TDRD5: variants seen among roughly 807,000 people sequenced by gnomAD.
TDRD5 encodes the protein tudor domain containing 5.
TDRD5 carries 41 observed loss-of-function variants against 120.6 expected under a neutral mutation model. That is an observed-to-expected ratio of 0.34 (90% CI 0.26 to 0.44). The LOEUF (loss-of-function observed/expected upper bound fraction) is 0.44. TDRD5 is among the 20% of genes least tolerant of loss of function. The pLI, the probability that TDRD5 is intolerant of heterozygous loss-of-function variation, is 1.00. For missense variants in TDRD5, 1,006 were observed against 1,221.2 expected (o/e 0.82, Z 2.63); for synonymous variants, 430 against 433.7 (o/e 0.99, Z 0.11).
At chr1:179,636,234 C>T (rs1207756055) in intron 9 of TDRD5, among the ~76,000 whole-genome samples, 1 of 152,132 alleles carries the variant, frequency 6.6e-6, no homozygotes, top group East Asian at 1.9e-4. Context: ...GTTGAAGTAT[C>T]TGAAGACATC....
In TDRD5 at chr1:179,652,123, C is replaced by T. The variant is rs754693231; in HGVS notation, c.2086C>T (p.Pro696Ser). The change falls in exon 13 of 18, where the codon CCT (proline) becomes TCT (serine). Residue 696 changes from proline to serine, a missense_variant. By Grantham distance (74) the Pro-to-Ser change is moderately conservative. This residue lies in a region of TDRD5 where 403 missense variants were observed against 448.1 expected (regional missense o/e 0.90). Coordinates refer to ENST00000444136, the MANE Select transcript of TDRD5 (RefSeq NM_001199085.3). Reference protein sequence around the residue: ...EDIVLTELGYPSQQHYFNEDR... With the variant: ...EDIVLTELGYSSQQHYFNEDR... Reference sequence around the variant, plus strand: ...CATTGTCTTGACAGAACTGGGTTATCCTTCCCAGCAGCACTATTTTAATGA... The same window carrying T: ...CATTGTCTTGACAGAACTGGGTTATTCTTCCCAGCAGCACTATTTTAATGA... 5 of 1,613,988 alleles carry T rather than the reference C, an allele frequency of 3.1e-6. No individual in the cohort carries two copies. The South Asian group carries it at 5.5e-5, about 18-fold the overall frequency.
Position 179,662,147 on chromosome 1 carries a change from T to G in TDRD5, c.2366T>G (p.Ile789Arg). The change falls in exon 15 of 18, where the codon ATA (isoleucine) becomes AGA (arginine). Residue 789 changes from isoleucine to arginine, a missense_variant. Physicochemically the swap from Ile to Arg is moderately conservative, Grantham distance 97. This residue lies in a region of TDRD5 where 403 missense variants were observed against 448.1 expected (regional missense o/e 0.90). Transcript: ENST00000444136. ...ATGCCATGCCTGGAGTCAGTGACCA[T>G]AGGTGATGATATTTGGGATGAGAAC... ...TGMPCLESVT[I>R]GDDIWDENWL... 1.2e-6 allele frequency: 2 copies of G among 1,607,612 alleles called. No individual in the cohort carries two copies. The highest frequency in any genetic ancestry group is 2.7e-5 in the African/African-American group (2 of 74,664).
chr1:179,642,533 A>C (rs1187946735), intron 11 of TDRD5, among the ~76,000 whole-genome samples: 1 of 152,210 alleles, frequency 6.6e-6, no homozygotes, highest in Non-Finnish European at 1.5e-5. Flanking sequence ...TTATTTCCTC[A>C]AAAAGGACTT....
At chr1:179,637,084 A>T (rs1677802004) in intron 9 of TDRD5, among the ~76,000 whole-genome samples, 1 of 152,240 alleles carries the variant, frequency 6.6e-6, no homozygotes. Flanking sequence ...AGATTTATTC[A>T]TGAACAACAA....
intron 11 of TDRD5, among the ~76,000 whole-genome samples, chr1:179,643,085 GA>G (rs1678142155): frequency 6.6e-6 from 1 of 152,144 alleles, no homozygotes; most frequent in African/African-American, 2.4e-5. Context: ...GGTGACTACT[GA>G]ACTTTCTTAA....
At chr1:179,616,084 T>G (rs1676551085) in intron 4 of TDRD5, among the ~76,000 whole-genome samples, 1 of 152,106 alleles carries the variant, frequency 6.6e-6, no homozygotes, top group Admixed American at 6.6e-5. Context: ...CATTTAAAAA[T>G]ATAACCATTC....
chr1:179,600,129 G>A (rs910912747), intron 4 of TDRD5, among the ~76,000 whole-genome samples: 1 of 152,030 alleles, frequency 6.6e-6, no homozygotes, highest in Non-Finnish European at 1.5e-5. Flanking sequence ...TATTGTCCCT[G>A]AACACCTTAC....
At chr1:179,611,408 A>G (rs1676268357) in intron 4 of TDRD5, among the ~76,000 whole-genome samples, 1 of 152,142 alleles carries the variant, frequency 6.6e-6, no homozygotes, top group Non-Finnish European at 1.5e-5. Context: ...TCAGAAAGAA[A>G]GAAATTGACT....
chr1:179,631,940 G>T (rs1382116333), intron 7 of TDRD5, among the ~76,000 whole-genome samples: 3 of 133,010 alleles, frequency 2.3e-5, no homozygotes, highest in African/African-American at 8.5e-5. Flanking sequence ...AGATTCTTAC[G>T]CTGTCCCCCA....
chr1:179,673,756 G>A (rs1388642789), intron 17 of TDRD5, among the ~76,000 whole-genome samples: 2 of 138,522 alleles, frequency 1.4e-5, no homozygotes, highest in Admixed American at 7.6e-5. Context: ...ATGGGAGGCA[G>A]GTTTGCCCTA....
At chr1:179,607,890 C>T (rs1317825685) in intron 4 of TDRD5, among the ~76,000 whole-genome samples, 1 of 151,898 alleles carries the variant, frequency 6.6e-6, no homozygotes, top group Non-Finnish European at 1.5e-5. Flanking sequence ...CTGATGCTCT[C>T]CAATTCTTTC....
intron 14 of TDRD5, among the ~76,000 whole-genome samples, chr1:179,660,004 T>A (rs922998922): frequency 2.0e-5 from 3 of 152,110 alleles, no homozygotes; most frequent in African/African-American, 7.2e-5. Flanking sequence ...CCTTGTTTGA[T>A]TATTTTTTAA....
At position 179,681,990 on chromosome 1, in the gene TDRD5, A is replaced by G. The variant is rs571453660; in HGVS notation, c.2861-8706A>G. Among the ~76,000 whole-genome samples, 5 of 11,276 alleles carry G rather than the reference A, an allele frequency of 4.4e-4. No homozygotes were observed. The East Asian group carries it at 0.012, about 26-fold the overall frequency. The allele number at this position is 11,276 out of a possible 152,430, so 7.4% of individuals were successfully genotyped here. ...GAGTGAGACTCTGTCTTAAAAAAAA[A>G]AAAAAAGAAAAACACACTGAATTAG... On this transcript the variant is annotated intron_variant, in intron 17 of 17. Coordinates refer to ENST00000444136, the MANE Select transcript of TDRD5 (RefSeq NM_001199085.3).
intron 17 of TDRD5, among the ~76,000 whole-genome samples, chr1:179,688,622 T>A (rs535840961): frequency 2.8e-4 from 43 of 152,348 alleles, no homozygotes; most frequent in South Asian, 1.2e-3. Context: ...TTCTCCTGGA[T>A]AATATCCTGC....
chr1:179,671,030 G>A (rs1679830545), intron 17 of TDRD5, among the ~76,000 whole-genome samples: 1 of 152,066 alleles, frequency 6.6e-6, no homozygotes, highest in African/African-American at 2.4e-5. Flanking sequence ...ATTTGTATAG[G>A]GTATGATGTG....
At chr1:179,650,530 A>G (rs4651044) in intron 11 of TDRD5, among the ~76,000 whole-genome samples, 140,926 of 152,110 alleles carry the variant, frequency 0.93, 65,944 homozygotes, top group Non-Finnish European at 0.99. Flanking sequence ...GTTCTTTGAT[A>G]CCTTTTGGAT....
At chr1:179,685,490 T>G (rs1293889564) in intron 17 of TDRD5, among the ~76,000 whole-genome samples, 1 of 152,212 alleles carries the variant, frequency 6.6e-6, no homozygotes, top group East Asian at 1.9e-4. Context: ...CCTCCAGCTT[T>G]GTTCTTTTGG....
At chr1:179,664,004 G>A (rs1187066297) in intron 16 of TDRD5, among the ~76,000 whole-genome samples, 1 of 152,150 alleles carries the variant, frequency 6.6e-6, no homozygotes, top group Non-Finnish European at 1.5e-5. Context: ...CCTGAAAGCA[G>A]CAGGACAATG....
intron 4 of TDRD5, among the ~76,000 whole-genome samples, chr1:179,609,933 A>G (rs151190667): frequency 4.6e-5 from 7 of 152,164 alleles, no homozygotes; most frequent in Non-Finnish European, 1.0e-4. Flanking sequence ...CATCCTCATC[A>G]TCTCAGAATC....
Sources: allele counts gnomAD v4.1 joint callset (sites outside exome capture counted in the v4.1 genomes callset), GRCh38; gene constraint gnomAD v4.1.1; regional missense constraint gnomAD v4.1.1; transcripts MANE v1.5; gene names NCBI Gene and HGNC (gene_info 2026-07-23, HGNC 2026-07-21).